Variants in OVCH1 observed in about 807,000 individuals in gnomAD.
OVCH1 encodes ovochymase 1, also known as ovochymase-1.
A neutral mutation model predicts 138.4 loss-of-function variants in OVCH1; 139 were observed. The observed-to-expected ratio is 1.00, with a 90% CI of 0.87 to 1.16. The LOEUF (loss-of-function observed/expected upper bound fraction) is 1.16, where lower values mean the gene tolerates loss of function less well. Ranked by LOEUF, OVCH1 falls within the 50% of genes most tolerant of loss-of-function variation. OVCH1 has a pLI of 0.00. For missense variants in OVCH1, 1,367 were observed against 1,357.9 expected, an observed-to-expected ratio of 1.01 and a Z score of -0.11; for synonymous variants, 453 against 467.8, an observed-to-expected ratio of 0.97 and a Z score of 0.41.
chr12:29,475,504 C>T (rs1480266358), intron 13 of OVCH1, among the ~76,000 whole-genome samples: 3 of 151,784 alleles, frequency 2.0e-5, no homozygotes, highest in South Asian at 4.1e-4. Context: ...TGGTGTATTC[C>T]TTCTTCCAAA....
intron 3 of OVCH1, among the ~76,000 whole-genome samples, chr12:29,418,475 T>C (rs1042819342): frequency 3.9e-5 from 6 of 152,216 alleles, no homozygotes; most frequent in African/African-American, 7.2e-5. Context: ...TTAGAGAAAG[T>C]GGCATAAATA....
intron 27 of OVCH1, among the ~76,000 whole-genome samples, chr12:29,432,206 A>G (rs2135902361): frequency 6.6e-6 from 1 of 152,306 alleles, no homozygotes; most frequent in Admixed American, 6.5e-5. Flanking sequence ...GACTTTTACT[A>G]TGAATGAGTT....
intron 8 of OVCH1, among the ~76,000 whole-genome samples, chr12:29,479,299 A>G (rs1392970078): frequency 6.6e-6 from 1 of 152,196 alleles, no homozygotes; most frequent in African/African-American, 2.4e-5. Context: ...CTATTCACCC[A>G]GAGGTTGAAT....
At chr12:29,460,923 C>T (rs377619049) in intron 19 of OVCH1, among the ~76,000 whole-genome samples, 5 of 152,158 alleles carry the variant, frequency 3.3e-5, no homozygotes, top group Admixed American at 6.5e-5. Context: ...AAAAGGAAGG[C>T]GTTAATGACA....
chr12:29,436,414 TGTC>T (rs150703255), intron 26 of OVCH1, among the ~76,000 whole-genome samples: 6,269 of 152,300 alleles, frequency 0.041, 164 homozygotes, highest in East Asian at 0.067. Flanking sequence ...TCAAAATTGT[TGTC>T]AATTTAGCAG....
chr12:29,423,790 G>A (rs149135371), downstream of OVCH1, among the ~76,000 whole-genome samples: 6 of 152,272 alleles, frequency 3.9e-5, no homozygotes, highest in Admixed American at 6.5e-5. Context: ...TCAGAAATCC[G>A]AGAAAGAAAG....
At chr12:29,409,469 A>T, downstream of OVCH1, among the ~76,000 whole-genome samples, 1 of 150,278 alleles carries the variant, frequency 6.7e-6, no homozygotes. Context: ...CCCTCTACAC[A>T]CTGCTTTGAA....
intron 3 of OVCH1, among the ~76,000 whole-genome samples, chr12:29,413,207 A>G (rs1240844399): frequency 1.3e-5 from 2 of 152,040 alleles, no homozygotes; most frequent in Admixed American, 6.6e-5. Context: ...AGAAAATACT[A>G]TCTATTACTC....
downstream of OVCH1, among the ~76,000 whole-genome samples, chr12:29,426,816 A>G (rs1941186776): frequency 6.6e-6 from 1 of 152,242 alleles, no homozygotes; most frequent in African/African-American, 2.4e-5. Flanking sequence ...AACTTTCTGC[A>G]ATGATGGAGC....
At chr12:29,450,340 C>T (rs1379202947) in intron 22 of OVCH1, among the ~76,000 whole-genome samples, 1 of 152,004 alleles carries the variant, frequency 6.6e-6, no homozygotes, top group East Asian at 1.9e-4. Flanking sequence ...ATAATCCCAT[C>T]AAAAAGTGGG....
At chr12:29,459,628 G>A (rs1053947037) in intron 19 of OVCH1, among the ~76,000 whole-genome samples, 2 of 152,022 alleles carry the variant, frequency 1.3e-5, no homozygotes, top group Non-Finnish European at 2.9e-5. Flanking sequence ...TCACTAAAAC[G>A]ATATGATTGG....
intron 4 of OVCH1, among the ~76,000 whole-genome samples, chr12:29,491,672 C>T (rs906346234): frequency 1.3e-5 from 2 of 152,090 alleles, no homozygotes; most frequent in African/African-American, 4.8e-5. Flanking sequence ...TGGCTGAGGA[C>T]TGATCACAAT....
chr12:29,485,368 T>G (rs975456359), intron 8 of OVCH1, among the ~76,000 whole-genome samples: 1 of 147,772 alleles, frequency 6.8e-6, no homozygotes, highest in Non-Finnish European at 1.5e-5. Flanking sequence ...GGTGCAGTGG[T>G]TCACGCCTGT....
chr12:29,487,548 C>T, intron 7 of OVCH1, 145 bp downstream of exon 7: 3 of 729,836 alleles, frequency 4.1e-6, no homozygotes, highest in East Asian at 2.9e-5. Context: ...CTCAGGGTTT[C>T]AGAGACAAGT....
At chr12:29,487,421 C>A in intron 7 of OVCH1, 1 of 294,142 alleles carries the variant, frequency 3.4e-6, no homozygotes, top group Non-Finnish European at 6.2e-6. Context: ...AGAAAGAATC[C>A]CCTGATGAGT....
At chr12:29,472,765 T>G (rs1269589215) in intron 15 of OVCH1, among the ~76,000 whole-genome samples, 3 of 152,360 alleles carry the variant, frequency 2.0e-5, no homozygotes, top group Admixed American at 6.5e-5. Context: ...ATTTTAAATA[T>G]TAAGTTTGTA....
chr12:29,404,077 A>G, the OVCH1 span, among the ~76,000 whole-genome samples: 1 of 152,196 alleles, frequency 6.6e-6, no homozygotes. Context: ...GACACTGAAT[A>G]TTTCAGCACT....
At chr12:29,489,285 A>G (rs1197026529) in intron 6 of OVCH1, among the ~76,000 whole-genome samples, 1 of 152,240 alleles carries the variant, frequency 6.6e-6, no homozygotes, top group Non-Finnish European at 1.5e-5. Flanking sequence ...ACAATGCTTA[A>G]CAATATGTGA....
At chr12:29,497,583 G>A (rs878857784) in intron 1 of OVCH1, 40 bp downstream of exon 1, 2 of 1,610,084 alleles carry the variant, frequency 1.2e-6, no homozygotes, top group South Asian at 2.2e-5. Flanking sequence ...AGCACGCTCA[G>A]CCTCCTCCGC....
Sources: gnomAD v4.1 joint callset for allele counts (sites outside exome capture counted in the v4.1 genomes callset) on GRCh38, gnomAD v4.1.1 for gene constraint, MANE v1.5 for transcripts, NCBI Gene and HGNC (gene_info 2026-07-23, HGNC 2026-07-21) for gene names.